CEP112: variants seen among roughly 807,000 people sequenced by gnomAD.
CEP112 encodes centrosomal protein 112.
Under a neutral mutation model 153.0 loss-of-function variants are expected in CEP112, and 127 were observed. The ratio of observed to expected loss-of-function variants is 0.83; its 90% CI spans 0.72 to 0.96. The LOEUF (loss-of-function observed/expected upper bound fraction) is 0.96. Among genes scored for constraint, CEP112 ranks in the 40% least tolerant of loss-of-function variants. The pLI is 0.00. For missense variants in CEP112, 1,089 were observed against 1,101.2 expected, an observed-to-expected ratio of 0.99 and a Z score of 0.16; for synonymous variants, 358 against 374.4, an observed-to-expected ratio of 0.96 and a Z score of 0.51.
At chr17:66,175,936 A>G (rs1397154189) in intron 3 of CEP112, among the ~76,000 whole-genome samples, 2 of 152,176 alleles carry the variant, frequency 1.3e-5, no homozygotes, top group Non-Finnish European at 2.9e-5. Context: ...TCCCAATCCT[A>G]CAGACAGAAT....
At chr17:65,930,319 T>C (rs1393118550) in intron 18 of CEP112, among the ~76,000 whole-genome samples, 1 of 152,218 alleles carries the variant, frequency 6.6e-6, no homozygotes, top group Non-Finnish European at 1.5e-5. Flanking sequence ...TATTCAGACA[T>C]GATTAGACTT....
chr17:66,038,037 G>C (rs1387814681), intron 12 of CEP112, among the ~76,000 whole-genome samples: 1 of 148,472 alleles, frequency 6.7e-6, no homozygotes, highest in East Asian at 1.9e-4. Context: ...GGGAGTCGGA[G>C]GTTGCAGTGA....
chr17:65,745,313 G>A (rs2051379087), intron 22 of CEP112, among the ~76,000 whole-genome samples: 1 of 152,154 alleles, frequency 6.6e-6, no homozygotes, highest in Non-Finnish European at 1.5e-5. Flanking sequence ...TACTGAGAAT[G>A]AAGATGTTTT....
chr17:66,168,469 G>A (rs370456544), intron 4 of CEP112, among the ~76,000 whole-genome samples: 1 of 141,906 alleles, frequency 7.0e-6, no homozygotes, highest in Non-Finnish European at 1.6e-5. Flanking sequence ...ATATGTGTGT[G>A]TATATATGTA....
chr17:65,645,176 G>A (rs565920673), intron 24 of CEP112, among the ~76,000 whole-genome samples: 1 of 151,450 alleles, frequency 6.6e-6, no homozygotes, highest in Non-Finnish European at 1.5e-5. Context: ...CTTTGCATGT[G>A]TTGACCCTTC....
intron 20 of CEP112, among the ~76,000 whole-genome samples, chr17:65,856,242 G>A (rs541822623): frequency 2.6e-4 from 39 of 151,910 alleles, no homozygotes; most frequent in Non-Finnish European, 5.3e-4. Flanking sequence ...TTGGAAGGAT[G>A]GTAAGATTGA....
At chr17:65,830,934 A>G (rs1468444196) in intron 21 of CEP112, among the ~76,000 whole-genome samples, 7 of 152,208 alleles carry the variant, frequency 4.6e-5, no homozygotes, top group African/African-American at 1.2e-4. Flanking sequence ...AATCTTCCCC[A>G]GACCAGAAAA....
chr17:65,763,633 G>A (rs2052748085), intron 21 of CEP112, among the ~76,000 whole-genome samples: 1 of 151,664 alleles, frequency 6.6e-6, no homozygotes, highest in Non-Finnish European at 1.5e-5. Flanking sequence ...TTCTGTTAGG[G>A]TTTTTGATCT....
At chr17:65,835,932 A>G (rs1481324137) in intron 21 of CEP112, among the ~76,000 whole-genome samples, 1 of 152,230 alleles carries the variant, frequency 6.6e-6, no homozygotes, top group Non-Finnish European at 1.5e-5. Context: ...GAGGCAATAT[A>G]AGAAGATTCA....
At chr17:66,088,776 A>G (rs1397856328) in intron 8 of CEP112, among the ~76,000 whole-genome samples, 3 of 152,194 alleles carry the variant, frequency 2.0e-5, no homozygotes, top group Non-Finnish European at 2.9e-5. Context: ...GCCAGCCCTC[A>G]GAAAATAAGA....
chr17:65,860,032 A>C lies in CEP112; in HGVS notation c.2164-7998T>G, dbSNP rs189869981. ...TCCATCTCAAAAAAAAAAAAAAAACAAAAACCTATCTTTAATCATAGATGC... is the reference window on the plus strand; with the variant it reads ...TCCATCTCAAAAAAAAAAAAAAAACCAAAACCTATCTTTAATCATAGATGC... On this transcript the variant is annotated intron_variant, in intron 20 of 26. Transcript: ENST00000535342. 3.8e-3 allele frequency among the ~76,000 whole-genome samples: 513 copies of C among 134,556 alleles called. 3 individuals are homozygous for C. Among genetic ancestry groups the C allele is most frequent in the African/African-American group, 0.013 (493 of 39,032 alleles). The allele number at this position is 134,556 out of a possible 152,430, so 88.3% of individuals were successfully genotyped here. A position where few individuals can be genotyped will look rare whatever the true frequency, so the allele number is the denominator to read the frequency against.
chr17:66,180,190 A>G (rs2146899045), intron 2 of CEP112, among the ~76,000 whole-genome samples: 1 of 152,212 alleles, frequency 6.6e-6, no homozygotes, highest in East Asian at 1.9e-4. Context: ...TCAGGGTAAT[A>G]CTGGCCTCGC....
rs1314676217 is a variant in CEP112 at position 65,931,842 on chromosome 17, C to A, written c.1873-4153G>T. Among the ~76,000 whole-genome samples, 3 of 152,234 alleles carry A rather than the reference C, an allele frequency of 2.0e-5. No homozygotes were observed. The East Asian group carries it at 5.8e-4, about 29-fold the overall frequency. On this transcript the variant is annotated intron_variant, in intron 18 of 26. Transcript: ENST00000535342. ...GCCCCTGTCTAGTGTTGGAGCCCAG[C>A]CTGAGGTGCAGGCAGGGAGCCAAGC...
At position 65,881,812 on chromosome 17, in the gene CEP112, A is replaced by G. The variant is rs1437696659; in HGVS notation, c.2163+20340T>C. On this transcript the variant is annotated intron_variant, in intron 20 of 26. Coordinates refer to ENST00000535342, the MANE Select transcript of CEP112 (RefSeq NM_001199165.4). ...TCAAGAATCACTACAAGGAGACCAC[A>G]AAATTAAAAGCATTCTCTATTCTGA... Among the ~76,000 whole-genome samples, 3 of 152,236 alleles carry G rather than the reference A, an allele frequency of 2.0e-5. No homozygotes were observed. In the East Asian group the frequency reaches 5.8e-4, roughly 29 times the overall value.
At chr17:65,887,738 C>T (rs1225683512) in intron 20 of CEP112, among the ~76,000 whole-genome samples, 1 of 152,162 alleles carries the variant, frequency 6.6e-6, no homozygotes, top group Non-Finnish European at 1.5e-5. Context: ...CCAGAGAGAG[C>T]AGATCTTGCA....
chr17:65,668,468 C>T (rs1483131187), intron 24 of CEP112, among the ~76,000 whole-genome samples: 3 of 152,180 alleles, frequency 2.0e-5, no homozygotes, highest in African/African-American at 7.2e-5. Context: ...CTTTTCCTAA[C>T]TCAGATCCCC....
intron 22 of CEP112, among the ~76,000 whole-genome samples, chr17:65,747,866 T>A (rs568203264): frequency 6.6e-6 from 1 of 152,272 alleles, no homozygotes; most frequent in East Asian, 1.9e-4. Context: ...AGGAGGAAAA[T>A]CTTTAAAATA....
intron 23 of CEP112, among the ~76,000 whole-genome samples, chr17:65,712,920 C>T (rs577478302): frequency 5.9e-5 from 9 of 152,178 alleles, no homozygotes; most frequent in African/African-American, 1.7e-4. Flanking sequence ...AAATCACCTT[C>T]GCCAAGCAAA....
At position 66,153,059 on chromosome 17, in the gene CEP112, G is replaced by A. The variant is rs750983229; in HGVS notation, c.471-20296C>T. 3.3e-5 allele frequency among the ~76,000 whole-genome samples: 5 copies of A among 152,252 alleles called. No individual in the cohort carries two copies. The South Asian group carries it at 8.3e-4, about 25-fold the overall frequency. On this transcript the variant is annotated intron_variant, in intron 4 of 26. Transcript: ENST00000535342. ...AGAGTTGATGAGGACGTGAAGAGAC[G>A]AGAATACTCATGTGAAGAGACTGGA...
Sources: allele counts gnomAD v4.1 joint callset (sites outside exome capture counted in the v4.1 genomes callset), GRCh38; gene constraint gnomAD v4.1.1; transcripts MANE v1.5; gene names NCBI Gene and HGNC (gene_info 2026-07-23, HGNC 2026-07-21).